Variants in POLR1C observed in about 807,000 individuals in gnomAD.
POLR1C encodes RNA polymerase I and III subunit C.
In POLR1C, 42 loss-of-function variants were observed where a neutral mutation model predicts 38.3. The observed-to-expected ratio is 1.10, with a 90% confidence interval of 0.86 to 1.42. The LOEUF (loss-of-function observed/expected upper bound fraction) is 1.42. POLR1C is among the 40% of genes most tolerant of loss of function. POLR1C has a pLI of 0.00. For missense variants in POLR1C, 507 were observed against 450.5 expected, an observed-to-expected ratio of 1.13 and a Z score of -1.14; for synonymous variants, 163 against 163.9, an observed-to-expected ratio of 0.99 and a Z score of 0.04.
At chr6:43,548,713 T>C (rs1457743380) in intron 9 of POLR1C, among the ~76,000 whole-genome samples, 1 of 151,230 alleles carries the variant, frequency 6.6e-6, no homozygotes, top group Non-Finnish European at 1.5e-5. Context: ...AAAGATCAGC[T>C]TGTTTTATAT....
chr6:43,558,675 T>TA, intron 10 of POLR1C: 1 of 1,025,674 alleles, frequency 9.7e-7, no homozygotes, highest in Non-Finnish European at 1.4e-6. Flanking sequence ...CAAGCACTTT[T>TA]AATTTATTTA....
chr6:43,540,045 AG>A (rs1794603210), intron 9 of POLR1C, among the ~76,000 whole-genome samples: 1 of 152,254 alleles, frequency 6.6e-6, no homozygotes, highest in South Asian at 2.1e-4. Flanking sequence ...ACCTGAGATC[AG>A]GAGTTTGAGA....
intron 9 of POLR1C, among the ~76,000 whole-genome samples, chr6:43,541,528 C>T (rs1290656939): frequency 6.6e-6 from 1 of 152,192 alleles, no homozygotes; most frequent in Non-Finnish European, 1.5e-5. Context: ...GGTTCCAAAA[C>T]GTTTCCATGG....
At chr6:43,561,050 A>C (rs747624734) in intron 10 of POLR1C, 1 of 1,491,008 alleles carries the variant, frequency 6.7e-7, no homozygotes, top group East Asian at 2.3e-5. Context: ...GATCGAGAAA[A>C]GCAGGAGAGG....
At chr6:43,542,737 A>ATTT (rs1794768090) in intron 9 of POLR1C, among the ~76,000 whole-genome samples, 1 of 152,180 alleles carries the variant, frequency 6.6e-6, no homozygotes, top group African/African-American at 2.4e-5. Flanking sequence ...AAAAATAGTA[A>ATTT]TTTAAAACTC....
In POLR1C at chr6:43,560,243, G is replaced by A. The variant is rs756807811; in HGVS notation, c.*49-1157G>A. Reference sequence around the variant, plus strand: ...ATTATTGCTAATAGCAAAGGATCACGGGACAGGATTTCATGCCTGAAGAGG... The same window carrying A: ...ATTATTGCTAATAGCAAAGGATCACAGGACAGGATTTCATGCCTGAAGAGG... On this transcript the variant is annotated intron_variant, in intron 10 of 10. Coordinates refer to the POLR1C transcript ENST00000607635. 5.4e-5 allele frequency: 87 copies of A among 1,612,376 alleles called. No individual in the cohort carries two copies. The highest frequency in any genetic ancestry group is 8.0e-5 in the African/African-American group (6 of 74,906).
intron 5 of POLR1C, 33 bp from the exon 6 acceptor site, chr6:43,520,242 G>A: frequency 6.2e-7 from 1 of 1,613,680 alleles, no homozygotes; most frequent in Non-Finnish European, 8.5e-7. Flanking sequence ...CTAGTTTTAG[G>A]GACTGAGATC....
intron 8 of POLR1C, chr6:43,526,943 A>G (rs920292736): frequency 1.9e-4 from 109 of 577,120 alleles, no homozygotes; most frequent in Non-Finnish European, 6.6e-5. Flanking sequence ...TGGTCCTTCA[A>G]GTTCAACTAG....
chr6:43,549,874 G>T (rs1561876596), intron 9 of POLR1C: 1 of 1,602,648 alleles, frequency 6.2e-7, no homozygotes, highest in East Asian at 2.2e-5. Flanking sequence ...GAATCTATTG[G>T]TTTAATTAAT....
At chr6:43,561,052 C>T in intron 10 of POLR1C, 3 of 1,479,908 alleles carry the variant, frequency 2.0e-6, no homozygotes, top group Non-Finnish European at 2.8e-6. Flanking sequence ...TCGAGAAAAG[C>T]AGGAGAGGAA....
At chr6:43,524,798 C>CAG, downstream of POLR1C, 1 of 1,610,954 alleles carries the variant, frequency 6.2e-7, no homozygotes, top group Non-Finnish European at 8.5e-7. Context: ...GATGAAGCTG[C>CAG]AGCCATCCTT....
At chr6:43,532,735 T>TA (rs952131644), downstream of POLR1C, among the ~76,000 whole-genome samples, 7 of 152,230 alleles carry the variant, frequency 4.6e-5, no homozygotes, top group African/African-American at 1.7e-4. Flanking sequence ...GGTCTCCCGA[T>TA]AAACACTCAG....
At chr6:43,553,232 T>TTG in intron 10 of POLR1C, 1 of 1,067,354 alleles carries the variant, frequency 9.4e-7, no homozygotes, top group South Asian at 1.8e-5. Context: ...AGCCCAGGAG[T>TTG]TGGAGGTTAC....
intron 2 of POLR1C, among the ~76,000 whole-genome samples, chr6:43,518,264 T>G (rs1224208352): frequency 6.6e-6 from 1 of 152,188 alleles, no homozygotes; most frequent in Non-Finnish European, 1.5e-5. Flanking sequence ...AGACATGAAC[T>G]AAGACTGATG....
intron 10 of POLR1C, among the ~76,000 whole-genome samples, chr6:43,557,199 G>A (rs1228767928): frequency 1.3e-5 from 2 of 151,694 alleles, no homozygotes; most frequent in African/African-American, 4.9e-5. Flanking sequence ...AGCCGAGGCG[G>A]GTGGATCACG....
chr6:43,536,921 G>A (rs944012439), intron 9 of POLR1C, among the ~76,000 whole-genome samples: 1 of 151,864 alleles, frequency 6.6e-6, no homozygotes. Flanking sequence ...ACTCAACTCT[G>A]CATAGAAAGC....
chr6:43,520,581 C>A (rs757786256), intron 6 of POLR1C, 44 bp from the exon 7 acceptor site: 13 of 1,611,754 alleles, frequency 8.1e-6, no homozygotes, highest in Non-Finnish European at 1.1e-5. Context: ...TTCTTCCTAA[C>A]CCTAGAAGGG....
intron 9 of POLR1C, chr6:43,539,603 C>T (rs561577718): frequency 3.1e-5 from 43 of 1,382,758 alleles, no homozygotes; most frequent in Admixed American, 2.4e-4. Context: ...ACCCCGGCCC[C>T]GGATGCCACT....
At position 43,517,121 on chromosome 6, in the gene POLR1C, T is replaced by C; in HGVS notation, c.12T>C (p.Ser4=). 2 of 1,614,140 alleles carry C rather than the reference T, an allele frequency of 1.2e-6. No homozygotes were observed. Among genetic ancestry groups the C allele is most frequent in the Non-Finnish European group, 1.7e-6 (2 of 1,180,000 alleles). Residue 4 remains serine, a synonymous_variant, in exon 1 of 9, where the codon TCT becomes TCC. Coordinates refer to ENST00000642195, the MANE Select transcript of POLR1C (RefSeq NM_203290.4). MAA[S]QAVEEMRSRV... Reference sequence around the variant, plus strand: ...TGGAGAGATTGAAGATGGCGGCTTCTCAGGCGGTGGAGGAAATGCGGAGCC... The same window carrying C: ...TGGAGAGATTGAAGATGGCGGCTTCCCAGGCGGTGGAGGAAATGCGGAGCC...
Sources: allele counts gnomAD v4.1 joint callset (sites outside exome capture counted in the v4.1 genomes callset), GRCh38; gene constraint gnomAD v4.1.1; transcripts MANE v1.5; gene names NCBI Gene and HGNC (gene_info 2026-07-23, HGNC 2026-07-21).